The following NAF1 variants were observed in gnomAD, a reference collection of about 807,000 sequenced individuals.
The protein encoded by NAF1 is nuclear assembly factor 1 ribonucleoprotein.
A neutral mutation model predicts 40.6 loss-of-function variants in NAF1; 11 were observed. The observed-to-expected ratio is 0.27, with a 90% CI of 0.17 to 0.45. The LOEUF (loss-of-function observed/expected upper bound fraction) is 0.45. Ranked by LOEUF, NAF1 falls within the 20% of genes least tolerant of loss-of-function variation. NAF1 has a pLI of 1.00. For synonymous variants in NAF1, 260 were observed against 228.5 expected (o/e 1.14, Z -1.24); for missense variants, 607 against 611.1 (o/e 0.99, Z 0.07).
chr4:163,158,081 A>G (rs1732063271), intron 2 of NAF1: 1 of 152,156 alleles, frequency 6.6e-6, no homozygotes, highest in African/African-American at 2.4e-5. Context: ...TGGTGGGAGA[A>G]GGAATCAAAC....
Position 163,166,571 on chromosome 4 carries a change from C to G in NAF1, c.157G>C (p.Ala53Pro). 6.2e-7 allele frequency: 1 copy of G among 1,608,002 alleles called. No individual in the cohort carries two copies. Among genetic ancestry groups the G allele is most frequent in the Non-Finnish European group, 8.5e-7 (1 of 1,177,924 alleles). Residue 53 changes from alanine (A) to proline (P), a missense_variant, in exon 1 of 8, where the codon GCT becomes CCT. By Grantham distance (27) the Ala-to-Pro change is conservative. Around this residue, in one of 3 missense-constraint regions of NAF1, gnomAD observed 407 missense variants for 365.5 expected, o/e 1.11. Coordinates refer to ENST00000274054, the MANE Select transcript of NAF1 (RefSeq NM_138386.3). ...GGCTTAACCTCCACGGTCTGCCCAG[C>G]GTCCGGGGACCCCTCAAACGACTGT... is the stretch of plus-strand genomic sequence containing the variant. ...PLQSFEGSPD[A>P]GQTVEVKPAG...
chr4:163,151,106 TA>T (rs142691120), intron 2 of NAF1, among the ~76,000 whole-genome samples: 2,174 of 148,424 alleles, frequency 0.015, 24 homozygotes, highest in Non-Finnish European at 0.017. Context: ...TATTAATTTA[TA>T]AAAAAAAAAC....
Position 163,120,907 on chromosome 4 carries a change from T to C in NAF1, c.115-10617A>G, listed in dbSNP as rs1579126169. Among the ~76,000 whole-genome samples, 3 of 152,352 alleles carry C rather than the reference T, an allele frequency of 2.0e-5. No homozygotes were observed. In the South Asian group the frequency reaches 6.2e-4, roughly 32 times the overall value. On this transcript the variant is annotated intron_variant, in intron 2 of 2. Coordinates refer to the NAF1 transcript ENST00000509434. ...CCTTTGGTCTGATTTATTTATTTTT[T>C]TTGAGACGGAGTCTCGCTTTGTCAA...
Position 163,129,058 on chromosome 4 carries a change from G to T in NAF1, c.1324C>A (p.Pro442Thr). The T allele has an allele frequency of 6.5e-7, 1 of 1,538,594 alleles. No homozygotes were observed. Among genetic ancestry groups the T allele is most frequent in the South Asian group, 1.2e-5 (1 of 83,754 alleles). Residue 442 changes from proline (P) to threonine (T), a missense_variant, in exon 8 of 8, where the codon CCA becomes ACA. This residue lies in a region of NAF1 where 189 missense variants were observed against 216.6 expected (regional missense o/e 0.87). Transcript: ENST00000274054. ...CCCATGTTTACAGGTGGGGGTGGTG[G>T]TGGGGGTGGAGGGCGGAGGGGAAAA... is the stretch of plus-strand genomic sequence containing the variant. ...HNFPLRPPPPPPPPPVNMGWA... is the reference protein window; with the variant it reads ...HNFPLRPPPPTPPPPVNMGWA...
At chr4:163,110,414 T>G in intron 2 of NAF1, 1 of 614,030 alleles carries the variant, frequency 1.6e-6, no homozygotes, top group South Asian at 1.9e-5. Context: ...TCTCTTACTG[T>G]GCCTATTTCC....
Position 163,129,239 on chromosome 4 carries a change from T to C in NAF1, c.1143A>G (p.Arg381=). 6.2e-7 allele frequency: 1 copy of C among 1,614,114 alleles called. No individual in the cohort carries two copies. Reference sequence around the variant, plus strand: ...GCCTGCCATGGCAAGATCGAGGGTATCTGGCCCTGGAAAATCCTCGTGTGA... The same window carrying C: ...GCCTGCCATGGCAAGATCGAGGGTACCTGGCCCTGGAAAATCCTCGTGTGA... ...REFTRGFSRA[R]YPRSCHGRPP... is the part of the protein sequence containing the mutation. The change falls in exon 8 of 8, where the codon AGA becomes AGG. Residue 381 remains arginine (R), a synonymous_variant. Coordinates refer to ENST00000274054, the MANE Select transcript of NAF1 (RefSeq NM_138386.3).
chr4:163,164,204 T>A lies in NAF1; in HGVS notation c.540+13A>T. On this transcript the variant is annotated intron_variant, in intron 2 of 7. Transcript: ENST00000274054. ...AAACATGCAAACTAAGCTTAATAAATCTAAGTACTTACATTAAGAAGTAAT... is the reference window on the plus strand; with the variant it reads ...AAACATGCAAACTAAGCTTAATAAAACTAAGTACTTACATTAAGAAGTAAT... 6.6e-7 allele frequency: 1 copy of A among 1,513,586 alleles called. No individual in the cohort carries two copies. The highest frequency in any genetic ancestry group is 8.8e-7 in the Non-Finnish European group (1 of 1,132,178). The allele number at this position is 1,513,586 out of a possible 1,614,324, so 93.8% of individuals were successfully genotyped here. A position where few individuals can be genotyped will look rare whatever the true frequency, so the allele number is the denominator to read the frequency against.
chr4:163,118,151 A>G (rs968600554), intron 2 of NAF1, among the ~76,000 whole-genome samples: 58 of 152,184 alleles, frequency 3.8e-4, no homozygotes, highest in African/African-American at 1.4e-3. Flanking sequence ...AATGCTTGTC[A>G]CAATAATCTT....
At chr4:163,107,176 G>A (rs1042944660), downstream of NAF1, among the ~76,000 whole-genome samples, 21 of 152,110 alleles carry the variant, frequency 1.4e-4, no homozygotes, top group African/African-American at 3.9e-4. Context: ...TAGTACAGGC[G>A]GGGTTTCACC....
chr4:163,106,878 CCA>C (rs765972290), downstream of NAF1, among the ~76,000 whole-genome samples: 43 of 152,204 alleles, frequency 2.8e-4, no homozygotes, highest in East Asian at 4.2e-3. Context: ...ATTTATAGTA[CCA>C]CACATTTGAG....
chr4:163,105,964 T>A (rs1319870392), downstream of NAF1, among the ~76,000 whole-genome samples: 1 of 152,224 alleles, frequency 6.6e-6, no homozygotes, highest in African/African-American at 2.4e-5. Context: ...AATGTTTACT[T>A]CTAAACATTT....
chr4:163,106,898 T>C (rs1053325440), downstream of NAF1, among the ~76,000 whole-genome samples: 1 of 152,186 alleles, frequency 6.6e-6, no homozygotes, highest in Non-Finnish European at 1.5e-5. Flanking sequence ...GAGAGAATCC[T>C]CCATTCTTTT....
chr4:163,150,264 T>C (rs1438381156), intron 2 of NAF1, among the ~76,000 whole-genome samples: 2 of 152,092 alleles, frequency 1.3e-5, no homozygotes, highest in Non-Finnish European at 2.9e-5. Flanking sequence ...AAGTAAAACA[T>C]GTTCCTATTT....
rs1487597125 is a variant in NAF1, at chr4:163,140,290, C to T, written c.811G>A (p.Glu271Lys). 6.2e-7 allele frequency: 1 copy of T among 1,607,126 alleles called. No individual in the cohort carries two copies. Among genetic ancestry groups the T allele is most frequent in the Non-Finnish European group, 8.5e-7 (1 of 1,176,442 alleles). ...HIESKGIKIK[E>K]TMYFAPSMKD... The stretch of plus-strand genomic sequence containing the variant: ...ATTGATGGAGCAAAATACATAGTCT[C>T]CTTTATTTTAATACCTTTACTCTCA... Residue 271 changes from glutamate to lysine, a missense_variant, in exon 5 of 8, where the codon GAG becomes AAG. Transcript: ENST00000274054.
chr4:163,133,571 TAAG>T, intron 6 of NAF1: 3 of 228,518 alleles, frequency 1.3e-5, no homozygotes. Flanking sequence ...TATCAAGGAC[TAAG>T]CAAATTATAT....
chr4:163,127,502 C>T (rs1730700892), downstream of NAF1, among the ~76,000 whole-genome samples: 1 of 152,160 alleles, frequency 6.6e-6, no homozygotes, highest in Admixed American at 6.5e-5. Flanking sequence ...TTACTGTTCC[C>T]ATTCTTGTGG....
Position 163,129,218 on chromosome 4 carries a change from G to T in NAF1, c.1164C>A (p.Gly388=), listed in dbSNP as rs745993140. The change falls in exon 8 of 8, where the codon GGC becomes GGA. Residue 388 remains glycine, a synonymous_variant. Coordinates refer to ENST00000274054, the MANE Select transcript of NAF1 (RefSeq NM_138386.3). ...TATAGAAATGCTGAGGTGGAGGCCT[G>T]CCATGGCAAGATCGAGGGTATCTGG... ...SRARYPRSCH[G]RPPPQHFYNS... 1 of 1,613,864 alleles carries T rather than the reference G, an allele frequency of 6.2e-7. No individual in the cohort carries two copies. Among genetic ancestry groups the T allele is most frequent in the East Asian group, 2.2e-5 (1 of 44,872 alleles).
intron 2 of NAF1, among the ~76,000 whole-genome samples, chr4:163,116,862 C>T (rs1409682328): frequency 6.6e-6 from 1 of 152,072 alleles, no homozygotes; most frequent in Non-Finnish European, 1.5e-5. Context: ...TCAATAAAGC[C>T]AAGAGTCATT....
At chr4:163,150,237 G>T (rs1056180417) in intron 2 of NAF1, among the ~76,000 whole-genome samples, 1 of 151,924 alleles carries the variant, frequency 6.6e-6, no homozygotes, top group African/African-American at 2.4e-5. Flanking sequence ...TGCTTTTGTT[G>T]TTTGTTTAAA....
Sources: allele counts gnomAD v4.1 joint callset (sites outside exome capture counted in the v4.1 genomes callset), GRCh38; gene constraint gnomAD v4.1.1; regional missense constraint gnomAD v4.1.1; transcripts MANE v1.5; gene names NCBI Gene and HGNC (gene_info 2026-07-23, HGNC 2026-07-21).